Variants in SLC18A1 observed in about 807,000 individuals in gnomAD.
SLC18A1 encodes solute carrier family 18 member A1.
A neutral mutation model predicts 53.7 loss-of-function variants in SLC18A1; 69 were observed. The observed-to-expected ratio is 1.28, with a 90% CI of 1.06 to 1.57. The LOEUF (loss-of-function observed/expected upper bound fraction) is 1.57. SLC18A1 is among the 40% of genes most tolerant of loss of function. SLC18A1 has a pLI of 0.00. For synonymous variants in SLC18A1, 320 were observed against 248.1 expected, an observed-to-expected ratio of 1.29 and a Z score of -2.72; for missense variants, 932 against 668.1, an observed-to-expected ratio of 1.40 and a Z score of -4.35.
intron 8 of SLC18A1, among the ~76,000 whole-genome samples, chr8:20,167,149 C>A (rs1240676775): frequency 1.3e-5 from 2 of 151,078 alleles, no homozygotes; most frequent in East Asian, 1.9e-4. Context: ...AAAAAAACCC[C>A]ACAAATGGAT....
At chr8:20,167,390 A>G (rs572435160) in intron 8 of SLC18A1, among the ~76,000 whole-genome samples, 3 of 152,242 alleles carry the variant, frequency 2.0e-5, no homozygotes. Flanking sequence ...TATTTGTAAA[A>G]TAGGTGTTTC....
intron 5 of SLC18A1, among the ~76,000 whole-genome samples, chr8:20,173,337 ATTG>A (rs1345252157): frequency 1.3e-5 from 2 of 152,146 alleles, no homozygotes; most frequent in Non-Finnish European, 2.9e-5. Flanking sequence ...TGTTCAGAAT[ATTG>A]TTGATAGTGC....
chr8:20,147,459 C>T (rs2071430119), intron 14 of SLC18A1, 68 bp from the exon 15 acceptor site: 1 of 1,579,150 alleles, frequency 6.3e-7, no homozygotes, highest in African/African-American at 1.3e-5. Context: ...CCACGTAGGA[C>T]ACTATGCTAG....
intron 10 of SLC18A1, among the ~76,000 whole-genome samples, chr8:20,163,980 ACT>A (rs1414851153): frequency 6.6e-6 from 1 of 152,140 alleles, no homozygotes; most frequent in Admixed American, 6.5e-5. Flanking sequence ...ATACCGACTA[ACT>A]CAATTAATCG....
chr8:20,172,129 A>G (rs1212249678), intron 6 of SLC18A1, among the ~76,000 whole-genome samples: 1 of 152,216 alleles, frequency 6.6e-6, no homozygotes, highest in Non-Finnish European at 1.5e-5. Flanking sequence ...AGGAGGGAGT[A>G]CACAAGAGGG....
chr8:20,165,991 G>A (rs1427859864), intron 8 of SLC18A1, among the ~76,000 whole-genome samples: 1 of 151,990 alleles, frequency 6.6e-6, no homozygotes, highest in Non-Finnish European at 1.5e-5. Flanking sequence ...GATAAATTTA[G>A]AGATCCTAAA....
At chr8:20,145,969 G>T in intron 15 of SLC18A1, 93 bp from the exon 16 acceptor site, 1 of 619,156 alleles carries the variant, frequency 1.6e-6, no homozygotes, top group Non-Finnish European at 2.6e-6. Context: ...AGGCTGGAGT[G>T]CAGTGGCGCA....
intron 12 of SLC18A1, among the ~76,000 whole-genome samples, 163 bp downstream of exon 12, chr8:20,149,513 T>A (rs2071490287): frequency 6.6e-6 from 1 of 151,940 alleles, no homozygotes; most frequent in African/African-American, 2.4e-5. Flanking sequence ...TTTCTGACAG[T>A]CCTTGCCAAG....
In SLC18A1 at chr8:20,180,934, G is replaced by T. The variant is rs117666725; in HGVS notation, c.31C>A (p.Arg11=). The part of the protein sequence containing the change: MLRTILDAPQ[R]LLKEGRASRQ... ...GACGCTCTCCCCTCCTTCAGCAACC[G>T]CTGGGGAGCATCCAGAATGGTCCGG... The change falls in exon 2 of 16, where the codon CGG becomes AGG. Residue 11 remains arginine, a synonymous_variant. Coordinates refer to ENST00000276373, the MANE Select transcript of SLC18A1 (RefSeq NM_003053.4). 2.4e-5 allele frequency: 38 copies of T among 1,598,198 alleles called. No individual in the cohort carries two copies. In the Middle Eastern group the frequency reaches 9.9e-4, roughly 42 times the overall value.
chr8:20,155,419 C>T (rs1012871913), intron 10 of SLC18A1, among the ~76,000 whole-genome samples: 3 of 152,124 alleles, frequency 2.0e-5, no homozygotes, highest in Non-Finnish European at 4.4e-5. Context: ...ACACCCAATC[C>T]TTCTAGGATG....
chr8:20,159,658 AAAAAAG>A (rs2071773177), intron 10 of SLC18A1, among the ~76,000 whole-genome samples: 1 of 146,716 alleles, frequency 6.8e-6, no homozygotes, highest in East Asian at 2.1e-4. Context: ...AAAAAAAAAA[AAAAAAG>A]AAAGAAAAAG....
chr8:20,178,531 AC>A (rs764499552), intron 3 of SLC18A1, 38 bp from the exon 4 acceptor site: 1 of 1,468,122 alleles, frequency 6.8e-7, no homozygotes, highest in South Asian at 1.2e-5. Context: ...TACAATTCCA[AC>A]AGGCACTCAC....
chr8:20,157,191 T>C (rs1421351497), intron 10 of SLC18A1, among the ~76,000 whole-genome samples: 1 of 152,160 alleles, frequency 6.6e-6, no homozygotes, highest in Non-Finnish European at 1.5e-5. Flanking sequence ...CTCATGTTCT[T>C]TTTTCAGATG....
chr8:20,181,013 G>A lies in SLC18A1; in HGVS notation c.-49C>T. On this transcript the variant is annotated 5_prime_UTR_variant, in exon 2 of 16. Coordinates refer to ENST00000276373, the MANE Select transcript of SLC18A1 (RefSeq NM_003053.4). ...CTTCCCCTGCGGGCTCTTAGGGAAG[G>A]TCCTGTGACAGCTACAGGTCTCCTG... 1.3e-6 allele frequency: 2 copies of A among 1,540,836 alleles called. No homozygotes were observed. The highest frequency in any genetic ancestry group is 1.8e-6 in the Non-Finnish European group (2 of 1,140,642).
chr8:20,172,940 C>G (rs757941262), intron 6 of SLC18A1, 96 bp downstream of exon 6: 5 of 852,646 alleles, frequency 5.9e-6, no homozygotes, highest in Non-Finnish European at 9.6e-6. Flanking sequence ...ATGAGGCCAA[C>G]AAGGGAAGGA....
At chr8:20,180,783 C>A in intron 2 of SLC18A1, 58 bp downstream of exon 2, 2 of 1,602,106 alleles carry the variant, frequency 1.2e-6, no homozygotes, top group Non-Finnish European at 1.7e-6. Context: ...GCAGGGTGTA[C>A]ACTGCCTGCT....
chr8:20,149,364 C>T (rs1443714129), intron 12 of SLC18A1, among the ~76,000 whole-genome samples: 1 of 151,978 alleles, frequency 6.6e-6, no homozygotes, highest in Non-Finnish European at 1.5e-5. Context: ...TTCATATGCC[C>T]ACATGTACAG....
chr8:20,156,001 C>T (rs868435161), intron 10 of SLC18A1, among the ~76,000 whole-genome samples: 8 of 152,318 alleles, frequency 5.3e-5, no homozygotes, highest in South Asian at 2.1e-4. Context: ...ACTTACCCAC[C>T]CTGTGCAATA....
chr8:20,168,614 T>C (rs533420083), intron 8 of SLC18A1, among the ~76,000 whole-genome samples: 7 of 151,476 alleles, frequency 4.6e-5, no homozygotes, highest in Admixed American at 1.3e-4. Flanking sequence ...GAGTCTTACT[T>C]TGTCACCCAG....
Sources: gnomAD v4.1 joint callset for allele counts (sites outside exome capture counted in the v4.1 genomes callset) on GRCh38, gnomAD v4.1.1 for gene constraint, MANE v1.5 for transcripts, NCBI Gene and HGNC (gene_info 2026-07-23, HGNC 2026-07-21) for gene names.